Variants in TEX2 observed in about 807,000 individuals in gnomAD.
The protein encoded by TEX2 is testis-expressed protein 2.
A neutral mutation model predicts 106.9 loss-of-function variants in TEX2; 53 were observed. The observed-to-expected ratio is 0.50, with a 90% CI of 0.40 to 0.62. TEX2 has a LOEUF of 0.62. TEX2 is among the 20% of genes least tolerant of loss of function. The probability of loss-of-function intolerance (pLI) is 0.00; values close to 1 mark genes in which losing one functional copy is unlikely to be tolerated. For synonymous variants in TEX2, 523 were observed against 534.8 expected (o/e 0.98, Z 0.30); for missense variants, 1,207 against 1,379.0 (o/e 0.88, Z 1.98).
intron 1 of TEX2, among the ~76,000 whole-genome samples, chr17:64,219,511 A>ATAAAATATAAAATAAAATAAAAT (rs1555633018): frequency 4.0e-5 from 4 of 99,186 alleles, no homozygotes; most frequent in Admixed American, 8.9e-5. Context: ...ATCTCATCAA[A>ATAAAATATAAAATAAAATAAAAT]TAAAATAAAA....
Position 64,195,145 on chromosome 17 carries a change from A to T in TEX2, c.1645-50T>A, listed in dbSNP as rs755378796. ...TAATATCAGAATAATCGCAAATCTG[A>T]TTTAGTGTGAAATGATGAACACTGT... On this transcript the variant is annotated intron_variant, in intron 2 of 11. Transcript: ENST00000584379. The surrounding 1 kb of genome is among the most constrained non-coding windows in gnomAD (Gnocchi z 4.1). 2 of 1,558,006 alleles carry T rather than the reference A, an allele frequency of 1.3e-6. No homozygotes were observed. The highest frequency in any genetic ancestry group is 1.8e-6 in the Non-Finnish European group (2 of 1,132,766).
At chr17:64,178,248 G>A (rs2031694320) in intron 5 of TEX2, among the ~76,000 whole-genome samples, 1 of 152,192 alleles carries the variant, frequency 6.6e-6, no homozygotes, top group Admixed American at 6.5e-5. Context: ...GATTTCCTTG[G>A]CTAATCATTA....
At chr17:64,170,399 G>A (rs2031329182) in intron 7 of TEX2, among the ~76,000 whole-genome samples, 1 of 152,184 alleles carries the variant, frequency 6.6e-6, no homozygotes, top group African/African-American at 2.4e-5. Flanking sequence ...AGGAGAGGCA[G>A]CTCCTGGCAA....
chr17:64,175,727 C>G (rs2031592275), intron 6 of TEX2, among the ~76,000 whole-genome samples: 1 of 152,182 alleles, frequency 6.6e-6, no homozygotes, highest in Admixed American at 6.5e-5. Context: ...CAGGTGTGCA[C>G]CAGCACTCCT....
At chr17:64,157,955 C>T (rs564556560) in intron 8 of TEX2, among the ~76,000 whole-genome samples, 1 of 152,350 alleles carries the variant, frequency 6.6e-6, no homozygotes, top group African/African-American at 2.4e-5. Flanking sequence ...ATTTAAAGGC[C>T]ACCCAAAAGG....
chr17:64,237,221 A>G (rs547552561), intron 1 of TEX2, among the ~76,000 whole-genome samples: 2 of 152,076 alleles, frequency 1.3e-5, no homozygotes, highest in Admixed American at 1.3e-4. Context: ...CAAGAAGGGT[A>G]AGAGTAAGGG....
At chr17:64,191,441 AC>A (rs1253354626) in intron 4 of TEX2, among the ~76,000 whole-genome samples, 12 of 152,182 alleles carry the variant, frequency 7.9e-5, no homozygotes, top group African/African-American at 2.7e-4. Flanking sequence ...CAGTGCCTAG[AC>A]CAGTAGACCT....
intron 6 of TEX2, among the ~76,000 whole-genome samples, chr17:64,175,153 T>A (rs1308798524): frequency 6.6e-6 from 1 of 152,180 alleles, no homozygotes; most frequent in Non-Finnish European, 1.5e-5. Flanking sequence ...TTGGTGGCAA[T>A]CAGTTCTTTT....
chr17:64,244,593 A>G (rs1313827719), intron 1 of TEX2, among the ~76,000 whole-genome samples: 4 of 152,146 alleles, frequency 2.6e-5, no homozygotes, highest in Non-Finnish European at 5.9e-5. Context: ...CCTCCCAGGC[A>G]AGCTTTTTTC....
intron 2 of TEX2, among the ~76,000 whole-genome samples, chr17:64,211,790 T>C (rs1260648434): frequency 6.6e-6 from 1 of 152,202 alleles, no homozygotes; most frequent in African/African-American, 2.4e-5. Context: ...TAAGTTCTAA[T>C]TGTACTTTTA....
intron 1 of TEX2, among the ~76,000 whole-genome samples, chr17:64,258,415 ATCTTGGAAAGTTATTTAACCTT>A (rs550789148): frequency 1.2e-3 from 182 of 152,246 alleles, no homozygotes; most frequent in South Asian, 3.5e-3. Context: ...TTGCTGTGTA[ATCTTGGAAAGTTATTTAACCTT>A]TCTGAGCCTC....
rs2030478531 is a variant in TEX2 at position 64,153,743 on chromosome 17, C to T, written c.2931-589G>A. On this transcript the variant is annotated intron_variant, in intron 9 of 11. Coordinates refer to ENST00000584379, the MANE Select transcript of TEX2 (RefSeq NM_001288732.2). This position sits in a 1 kb window ranked among gnomAD's most constrained non-coding sequence, Gnocchi z 4.1. ...TTAAAGAAAAATGTAGCCTGGGCAA[C>T]ACAGTGAGACCCCCATCTCTACAAA... is the stretch of plus-strand genomic sequence containing the variant. 6.6e-6 allele frequency among the ~76,000 whole-genome samples: 1 copy of T among 152,138 alleles called. No homozygotes were observed. The highest frequency in any genetic ancestry group is 1.5e-5 in the Non-Finnish European group (1 of 68,020).
At chr17:64,210,342 C>T (rs2032958784) in intron 2 of TEX2, among the ~76,000 whole-genome samples, 1 of 152,134 alleles carries the variant, frequency 6.6e-6, no homozygotes, top group Admixed American at 6.5e-5. Context: ...AAAGGTCAGA[C>T]TGCAAAATAT....
At chr17:64,179,857 G>A (rs748695346) in intron 5 of TEX2, among the ~76,000 whole-genome samples, 1 of 152,278 alleles carries the variant, frequency 6.6e-6, no homozygotes, top group Non-Finnish European at 1.5e-5. Flanking sequence ...AATGGACATG[G>A]ATTATTCTCT....
At chr17:64,259,045 G>C (rs2034241289) in intron 1 of TEX2, among the ~76,000 whole-genome samples, 1 of 152,200 alleles carries the variant, frequency 6.6e-6, no homozygotes, top group South Asian at 2.1e-4. Flanking sequence ...ACCGCGCCCT[G>C]TCCTGGAAGA....
chr17:64,149,411 G>A, intron 11 of TEX2: 1 of 229,500 alleles, frequency 4.4e-6, no homozygotes, highest in Non-Finnish European at 8.5e-6. Flanking sequence ...GCTGTTCACA[G>A]TAGTTCCCAG....
intron 1 of TEX2, among the ~76,000 whole-genome samples, chr17:64,262,278 G>A (rs1242435380): frequency 2.0e-5 from 3 of 152,220 alleles, no homozygotes; most frequent in Non-Finnish European, 4.4e-5. Flanking sequence ...GTACTTCATA[G>A]CTCTGGAGAA....
At position 64,155,164 on chromosome 17, in the gene TEX2, C is replaced by T. The variant is rs192636393; in HGVS notation, c.2805-197G>A. 1.1e-4 allele frequency: 62 copies of T among 558,680 alleles called. No individual in the cohort carries two copies. In the African/African-American group the frequency reaches 1.1e-3, roughly 10 times the overall value. 34.6% of individuals were successfully genotyped at this position (558,680 alleles called of 1,614,324 possible). ...GAATCCTTGGATCAGCGCAGATGCT[C>T]AGGACACTCTTCAGCACCAAGGCCT... On this transcript the variant is annotated intron_variant, in intron 8 of 11. Coordinates refer to ENST00000584379, the MANE Select transcript of TEX2 (RefSeq NM_001288732.2).
chr17:64,196,162 A>T (rs1254276414), intron 2 of TEX2, among the ~76,000 whole-genome samples: 7 of 152,250 alleles, frequency 4.6e-5, no homozygotes, highest in African/African-American at 1.4e-4. Flanking sequence ...TCTTTCATTC[A>T]TCCTTTTATT....
Sources: allele counts gnomAD v4.1 joint callset (sites outside exome capture counted in the v4.1 genomes callset), GRCh38; gene constraint gnomAD v4.1.1; non-coding constraint Gnocchi (gnomAD v3.1); transcripts MANE v1.5; gene names NCBI Gene and HGNC (gene_info 2026-07-23, HGNC 2026-07-21).